BMP6: variants seen among roughly 807,000 people sequenced by gnomAD.
BMP6 encodes VG-1-R.
In BMP6, 17 loss-of-function variants were observed where a neutral mutation model predicts 54.1. The ratio of observed to expected loss-of-function variants is 0.31; its 90% CI spans 0.22 to 0.47. The LOEUF is 0.47. Ranked by LOEUF, BMP6 falls within the 20% of genes least tolerant of loss-of-function variation. BMP6 has a pLI of 1.00. For missense variants in BMP6, 720 were observed against 690.4 expected (o/e 1.04, Z -0.48); for synonymous variants, 328 against 291.2 (o/e 1.13, Z -1.28).
chr6:7,804,257 A>G (rs191352443), intron 1 of BMP6, among the ~76,000 whole-genome samples: 18 of 151,722 alleles, frequency 1.2e-4, no homozygotes, highest in East Asian at 9.8e-4. Context: ...GCCATCGGGT[A>G]GGAAATTAAA....
At chr6:7,867,969 C>T (rs953779913) in intron 4 of BMP6, among the ~76,000 whole-genome samples, 3 of 152,176 alleles carry the variant, frequency 2.0e-5, no homozygotes, top group African/African-American at 4.8e-5. Flanking sequence ...ATGCAGGTAC[C>T]GTGAGATGCC....
intron 4 of BMP6, among the ~76,000 whole-genome samples, chr6:7,873,415 G>C (rs986754932): frequency 6.6e-6 from 1 of 152,190 alleles, no homozygotes; most frequent in Non-Finnish European, 1.5e-5. Flanking sequence ...GGCATGGGTG[G>C]TTGGAGCTTC....
chr6:7,763,734 A>C (rs949597308), intron 1 of BMP6, among the ~76,000 whole-genome samples: 12 of 152,174 alleles, frequency 7.9e-5, no homozygotes, highest in African/African-American at 2.9e-4. Context: ...GCAGGCTCAG[A>C]TGGTGAATGC....
intron 1 of BMP6, among the ~76,000 whole-genome samples, chr6:7,728,238 C>T (rs554884176): frequency 2.0e-5 from 3 of 152,254 alleles, no homozygotes; most frequent in African/African-American, 4.8e-5. Context: ...GGGCTCGCTT[C>T]TGTTTGGGGC....
chr6:7,749,133 T>C (rs1467294926), intron 1 of BMP6, among the ~76,000 whole-genome samples: 2 of 152,234 alleles, frequency 1.3e-5, no homozygotes, highest in Admixed American at 1.3e-4. Flanking sequence ...GATGAACCCT[T>C]GTACCTCCAC....
chr6:7,861,526 G>A lies in BMP6; in HGVS notation c.933G>A (p.Thr311=), dbSNP rs759356692. The part of the protein sequence containing the change: ...SEEGWLEFDI[T]ATSNLWVVTP... ...AAGGCTGGCTGGAATTTGACATCAC[G>A]GCCACTAGCAATCTGTGGGTTGTGA... is the stretch of plus-strand genomic sequence containing the variant. The change falls in exon 3 of 7, where the codon ACG becomes ACA. Residue 311 remains threonine (T), a synonymous_variant. Transcript: ENST00000283147. The A allele has an allele frequency of 3.5e-5, 57 of 1,613,978 alleles. No individual in the cohort carries two copies. The highest frequency in any genetic ancestry group is 1.6e-4 in the Middle Eastern group (1 of 6,084).
At chr6:7,738,029 T>A (rs1300997118) in intron 1 of BMP6, among the ~76,000 whole-genome samples, 2 of 152,208 alleles carry the variant, frequency 1.3e-5, no homozygotes, top group African/African-American at 4.8e-5. Context: ...TTTCTAGGTC[T>A]CCTTCCTTGT....
chr6:7,879,115 G>A lies in BMP6; in HGVS notation c.1246G>A (p.Glu416Lys). The stretch of plus-strand genomic sequence containing the variant: ...ATTGAAAACAGCCTGCAGGAAGCAT[G>A]AGCTGTATGTGAGTTTCCAAGACCT... ...SELKTACRKH[E>K]LYVSFQDLGW... Residue 416 changes from glutamate (E) to lysine (K), a missense_variant, in exon 5 of 7, where the codon GAG (glutamate) becomes AAG (lysine). Physicochemically the swap from Glu to Lys is moderately conservative, Grantham distance 56. Around this residue, in one of 3 missense-constraint regions of BMP6, gnomAD observed 27 missense variants for 80.1 expected, o/e 0.34. Coordinates refer to ENST00000283147, the MANE Select transcript of BMP6 (RefSeq NM_001718.6). 1 of 1,614,222 alleles carries A rather than the reference G, an allele frequency of 6.2e-7. No homozygotes were observed. The highest frequency in any genetic ancestry group is 8.5e-7 in the Non-Finnish European group (1 of 1,180,024).
At chr6:7,813,720 TC>T (rs757108382) in intron 1 of BMP6, among the ~76,000 whole-genome samples, 8 of 147,544 alleles carry the variant, frequency 5.4e-5, no homozygotes, top group Non-Finnish European at 6.0e-5. Context: ...CTATAGATAC[TC>T]CATAGCATCT....
intron 1 of BMP6, among the ~76,000 whole-genome samples, chr6:7,740,573 T>C (rs898144639): frequency 6.6e-6 from 1 of 152,152 alleles, no homozygotes; most frequent in Non-Finnish European, 1.5e-5. Context: ...GTACTCTCAT[T>C]GCAAGCTGGT....
chr6:7,738,464 G>A (rs1024899600), intron 1 of BMP6, among the ~76,000 whole-genome samples: 1 of 152,162 alleles, frequency 6.6e-6, no homozygotes, highest in Non-Finnish European at 1.5e-5. Context: ...GAGGGAACGT[G>A]GCTTCCTGCA....
At chr6:7,781,833 A>C (rs746081199) in intron 1 of BMP6, among the ~76,000 whole-genome samples, 1 of 151,416 alleles carries the variant, frequency 6.6e-6, no homozygotes, top group Non-Finnish European at 1.5e-5. Context: ...GGGAATATGA[A>C]ACTCTTGGAG....
intron 1 of BMP6, among the ~76,000 whole-genome samples, chr6:7,825,799 AGT>A: frequency 6.6e-6 from 1 of 152,166 alleles, no homozygotes; most frequent in African/African-American, 2.4e-5. Context: ...TGTCATTTGA[AGT>A]ACACACCCCT....
chr6:7,832,791 C>T (rs1758812214), intron 1 of BMP6, among the ~76,000 whole-genome samples: 1 of 148,980 alleles, frequency 6.7e-6, no homozygotes. Context: ...CTGTAACAGT[C>T]TCAATCCAGG....
rs1007592951 is a variant in BMP6 at position 7,746,380 on chromosome 6, G to A, written c.664+18761G>A. On this transcript the variant is annotated intron_variant, in intron 1 of 6. Coordinates refer to ENST00000283147, the MANE Select transcript of BMP6 (RefSeq NM_001718.6). ...TGTGCTTTGGGAGATATTCCTGGCT[G>A]CAGTGTGGAAGAGGCCTGAAATGGG... Among the ~76,000 whole-genome samples the A allele has an allele frequency of 3.9e-5, 6 of 152,318 alleles. No homozygotes were observed. In the South Asian group the frequency reaches 1.2e-3, roughly 32 times the overall value.
intron 1 of BMP6, among the ~76,000 whole-genome samples, chr6:7,808,208 C>T (rs1017491918): frequency 9.9e-5 from 15 of 151,984 alleles, no homozygotes; most frequent in African/African-American, 3.6e-4. Context: ...GCGTGAGCCA[C>T]CGCGCCCGGC....
intron 1 of BMP6, among the ~76,000 whole-genome samples, chr6:7,734,243 TA>T: frequency 6.6e-6 from 1 of 152,336 alleles, no homozygotes; most frequent in Non-Finnish European, 1.5e-5. Context: ...GAGTTTGGGA[TA>T]ACTGGTGAAT....
intron 1 of BMP6, among the ~76,000 whole-genome samples, chr6:7,729,515 A>T (rs1403813622): frequency 6.6e-6 from 1 of 152,176 alleles, no homozygotes; most frequent in East Asian, 1.9e-4. Flanking sequence ...GCTGCCCTGT[A>T]GTATCACCCG....
intron 1 of BMP6, among the ~76,000 whole-genome samples, chr6:7,793,182 C>CAATA (rs761217455): frequency 1.4e-4 from 22 of 151,908 alleles, no homozygotes; most frequent in African/African-American, 2.4e-4. Flanking sequence ...AGACGATGGG[C>CAATA]TATTCTTCAG....
Sources: allele counts gnomAD v4.1 joint callset (sites outside exome capture counted in the v4.1 genomes callset), GRCh38; gene constraint gnomAD v4.1.1; regional missense constraint gnomAD v4.1.1; transcripts MANE v1.5; gene names NCBI Gene and HGNC (gene_info 2026-07-23, HGNC 2026-07-21).